Variants in STXBP6 observed in about 807,000 individuals in gnomAD.
STXBP6 encodes the protein syntaxin binding protein 6, also known as syntaxin-binding protein 6.
Under a neutral mutation model 26.9 loss-of-function variants are expected in STXBP6, and 21 were observed. The ratio of observed to expected loss-of-function variants is 0.78; its 90% CI spans 0.55 to 1.12. STXBP6 has a LOEUF of 1.12. Ranked by LOEUF, STXBP6 falls within the 50% of genes most tolerant of loss-of-function variation. The pLI, the probability that STXBP6 is intolerant of heterozygous loss-of-function variation, is 0.00. For missense variants in STXBP6, 232 were observed against 257.9 expected (o/e 0.90, Z 0.69); for synonymous variants, 97 against 92.6 (o/e 1.05, Z -0.27).
At chr14:24,876,356 CATATTTATA>C (rs2070144418) in intron 2 of STXBP6, among the ~76,000 whole-genome samples, 1 of 152,162 alleles carries the variant, frequency 6.6e-6, no homozygotes. Context: ...TTGTTAAATA[CATATTTATA>C]TTGAAAAGCA....
rs539552942 is a variant in STXBP6, at chr14:25,026,634, G to A, written c.-33+23244C>T. Among the ~76,000 whole-genome samples the A allele has an allele frequency of 1.4e-4, 21 of 152,324 alleles. No individual in the cohort carries two copies. In the South Asian group the frequency reaches 4.1e-3, roughly 30 times the overall value. The stretch of plus-strand genomic sequence containing the variant: ...CTTTAAGATTTTGGAATTAGAGAGA[G>A]GATGGTGGCTCCATACCACCTTATT... On this transcript the variant is annotated intron_variant, in intron 1 of 5. Transcript: ENST00000323944.
At chr14:24,870,331 T>C (rs2069881944) in intron 2 of STXBP6, among the ~76,000 whole-genome samples, 1 of 152,110 alleles carries the variant, frequency 6.6e-6, no homozygotes, top group Non-Finnish European at 1.5e-5. Context: ...TCAAAAGCAA[T>C]GTTTTGCATT....
chr14:24,934,214 T>C (rs1259600437), intron 2 of STXBP6, among the ~76,000 whole-genome samples: 3 of 152,100 alleles, frequency 2.0e-5, no homozygotes, highest in African/African-American at 7.2e-5. Flanking sequence ...AGTATACAGG[T>C]TAATATAAAG....
At chr14:25,008,517 G>A (rs184950768) in intron 1 of STXBP6, among the ~76,000 whole-genome samples, 1 of 152,248 alleles carries the variant, frequency 6.6e-6, no homozygotes, top group Non-Finnish European at 1.5e-5. Flanking sequence ...AAATGTACCT[G>A]ATAAATTACT....
At chr14:25,016,152 A>C (rs962171849) in intron 1 of STXBP6, among the ~76,000 whole-genome samples, 1 of 152,076 alleles carries the variant, frequency 6.6e-6, no homozygotes, top group Non-Finnish European at 1.5e-5. Context: ...GCTACCTACT[A>C]TTCTTATTAT....
intron 2 of STXBP6, among the ~76,000 whole-genome samples, chr14:24,961,745 G>A (rs2073548342): frequency 6.6e-6 from 1 of 152,120 alleles, no homozygotes. Flanking sequence ...CTCCAACAGT[G>A]TGCAATATAT....
intron 2 of STXBP6, among the ~76,000 whole-genome samples, chr14:24,946,649 G>C (rs1339048524): frequency 6.6e-6 from 1 of 152,210 alleles, no homozygotes; most frequent in Non-Finnish European, 1.5e-5. Flanking sequence ...GTGGGTTAAA[G>C]GGTGAAGAAG....
intron 4 of STXBP6, among the ~76,000 whole-genome samples, chr14:24,824,949 A>T (rs538931115): frequency 1.3e-5 from 2 of 152,246 alleles, no homozygotes; most frequent in Non-Finnish European, 2.9e-5. Context: ...AAAGCTCTTA[A>T]CATCTATGTC....
intron 1 of STXBP6, among the ~76,000 whole-genome samples, chr14:24,981,105 G>A (rs1051430022): frequency 6.6e-5 from 10 of 152,256 alleles, no homozygotes; most frequent in Middle Eastern, 3.4e-3. Context: ...AGTGTACATG[G>A]CAAATATTTT....
intron 4 of STXBP6, among the ~76,000 whole-genome samples, chr14:24,846,273 T>G (rs2068958994): frequency 2.0e-5 from 3 of 152,216 alleles, no homozygotes. Context: ...TACCTATAAT[T>G]TGCATTTTAC....
chr14:24,860,542 A>C (rs1393068678), intron 2 of STXBP6, among the ~76,000 whole-genome samples: 1 of 152,128 alleles, frequency 6.6e-6, no homozygotes, highest in Non-Finnish European at 1.5e-5. Context: ...TAATCCCTCA[A>C]CTATTCCAAA....
chr14:24,817,873 CAG>C, intron 5 of STXBP6: 1 of 357,938 alleles, frequency 2.8e-6, no homozygotes, highest in Non-Finnish European at 5.5e-6. Context: ...CCTGTCACGA[CAG>C]AGAATGAATG....
chr14:24,835,060 C>T (rs2068572541), intron 4 of STXBP6, among the ~76,000 whole-genome samples: 1 of 152,134 alleles, frequency 6.6e-6, no homozygotes, highest in African/African-American at 2.4e-5. Context: ...GGTCATATGG[C>T]CAGTGGGCTC....
chr14:25,033,372 G>A (rs2075495691), intron 1 of STXBP6, among the ~76,000 whole-genome samples: 1 of 152,022 alleles, frequency 6.6e-6, no homozygotes, highest in African/African-American at 2.4e-5. Context: ...CTTCTAAACT[G>A]GTCCACCGTA....
intron 2 of STXBP6, among the ~76,000 whole-genome samples, chr14:24,919,054 G>C (rs1193518639): frequency 6.6e-6 from 1 of 152,050 alleles, no homozygotes; most frequent in Non-Finnish European, 1.5e-5. Context: ...AAATAGTGCA[G>C]TCACACATCC....
chr14:25,020,340 T>C (rs1031714866), intron 1 of STXBP6, among the ~76,000 whole-genome samples: 7 of 152,224 alleles, frequency 4.6e-5, no homozygotes, highest in African/African-American at 7.2e-5. Context: ...TCCTAGTATA[T>C]ATTTTGAAAA....
chr14:24,883,738 T>G (rs1009688066), intron 2 of STXBP6, among the ~76,000 whole-genome samples: 6 of 152,166 alleles, frequency 3.9e-5, no homozygotes, highest in Non-Finnish European at 7.4e-5. Flanking sequence ...ACTGTGAAGA[T>G]TTGGTTCTGA....
chr14:24,925,388 T>A (rs1320118648), intron 2 of STXBP6, among the ~76,000 whole-genome samples: 1 of 152,224 alleles, frequency 6.6e-6, no homozygotes, highest in Non-Finnish European at 1.5e-5. Context: ...AGGATCAATT[T>A]CATTTAAGGC....
Position 24,857,029 on chromosome 14 carries a change from C to G in STXBP6, c.283G>C (p.Gly95Arg), listed in dbSNP as rs916116393. 1.9e-6 allele frequency: 3 copies of G among 1,612,650 alleles called. No individual in the cohort carries two copies. In the African/African-American group the frequency reaches 4.0e-5, roughly 22 times the overall value. The stretch of plus-strand genomic sequence containing the variant: ...TCAGCATTGGACAATTCACTCACCC[C>G]ATTAGGATCGATACCATTAACCTGG... ...LRQVNGIDPN[G>R]DSAEFDLLFE... Residue 95 changes from glycine to arginine, a missense_variant and splice_region_variant, in exon 3 of 6, where the codon GGG becomes CGG. By Grantham distance (125) the Gly-to-Arg change is moderately radical. Transcript: ENST00000323944.
Sources: allele counts gnomAD v4.1 joint callset (sites outside exome capture counted in the v4.1 genomes callset), GRCh38; gene constraint gnomAD v4.1.1; transcripts MANE v1.5; gene names NCBI Gene and HGNC (gene_info 2026-07-23, HGNC 2026-07-21).